The following SNX30 variants were observed in gnomAD, a reference collection of about 807,000 sequenced individuals.
SNX30 encodes the protein sorting nexin family member 30, also known as sorting nexin-30.
Under a neutral mutation model 46.4 loss-of-function variants are expected in SNX30, and 24 were observed. That is an observed-to-expected ratio of 0.52 (90% CI 0.37 to 0.73). SNX30 has a LOEUF of 0.73. Among genes scored for constraint, SNX30 ranks in the 30% least tolerant of loss-of-function variants. The probability of loss-of-function intolerance (pLI) is 0.00; values close to 1 mark genes in which losing one functional copy is unlikely to be tolerated. For missense variants in SNX30, 533 were observed against 555.7 expected, an observed-to-expected ratio of 0.96 and a Z score of 0.41; for synonymous variants, 189 against 211.5, an observed-to-expected ratio of 0.89 and a Z score of 0.92.
Position 112,804,973 on chromosome 9 carries a change from TC to T in SNX30, c.348+9del, listed in dbSNP as rs1490501190. 6.3e-7 allele frequency: 1 copy of T among 1,584,974 alleles called. No individual in the cohort carries two copies. Among genetic ancestry groups the T allele is most frequent in the East Asian group, 2.3e-5 (1 of 44,366 alleles). ...CCTATAGGATCACCACCAAAGTAGG[TC>T]CCTGTGTTATAGAATGCCCGTGTTG... On this transcript the variant is annotated splice_region_variant and intron_variant, in intron 2 of 8. Transcript: ENST00000374232.
chr9:112,792,714 A>G (rs529096729), intron 1 of SNX30, among the ~76,000 whole-genome samples: 4 of 152,288 alleles, frequency 2.6e-5, no homozygotes, highest in South Asian at 2.1e-4. Context: ...GTTTGAGGCC[A>G]CTACACCTGG....
At chr9:112,879,137 A>T (rs1428704804), downstream of SNX30, 1 of 152,256 alleles carries the variant, frequency 6.6e-6, no homozygotes, top group Non-Finnish European at 1.5e-5. Flanking sequence ...AGTAGTAACA[A>T]AACTACCCAG....
intron 2 of SNX30, among the ~76,000 whole-genome samples, chr9:112,814,829 T>C (rs1840373104): frequency 6.6e-6 from 1 of 152,234 alleles, no homozygotes; most frequent in African/African-American, 2.4e-5. Flanking sequence ...TTAAGGGAAT[T>C]ACGAGGTGCT....
Position 112,770,275 on chromosome 9 carries a change from A to G in SNX30, c.156+19118A>G, listed in dbSNP as rs188396538. ...CAACCTCTGTTTCCTGGGTGCAAGC[A>G]ATTCTCCTGCCTCAGCCTCCCGAGT... On this transcript the variant is annotated intron_variant, in intron 1 of 8. Coordinates refer to ENST00000374232, the MANE Select transcript of SNX30 (RefSeq NM_001012994.2). Among the ~76,000 whole-genome samples, 129 of 151,780 alleles carry G rather than the reference A, an allele frequency of 8.5e-4. 2 individuals are homozygous for G. The highest frequency in any genetic ancestry group is 1.8e-4 in the Non-Finnish European group (12 of 67,914).
At chr9:112,757,596 G>T (rs889902267) in intron 1 of SNX30, among the ~76,000 whole-genome samples, 6 of 152,174 alleles carry the variant, frequency 3.9e-5, no homozygotes, top group Non-Finnish European at 8.8e-5. Context: ...CATAATGGCT[G>T]TACCAATCTA....
rs138989065 is a variant in SNX30 at position 112,768,867 on chromosome 9, G to A, written c.156+17710G>A. On this transcript the variant is annotated intron_variant, in intron 1 of 8. Coordinates refer to ENST00000374232, the MANE Select transcript of SNX30 (RefSeq NM_001012994.2). ...GAGATGGGTTTCACCATGTTGGCCA[G>A]GCTGGTCTCGAACTCCCAACCTCGT... is the stretch of plus-strand genomic sequence containing the variant. Among the ~76,000 whole-genome samples the A allele has an allele frequency of 4.3e-3, 659 of 152,062 alleles. 1 individual carries two copies. Among genetic ancestry groups the A allele is most frequent in the Non-Finnish European group, 6.6e-3 (447 of 67,948 alleles).
chr9:112,817,393 A>T lies in SNX30; in HGVS notation c.349-312A>T, dbSNP rs1236647832. Among the ~76,000 whole-genome samples the T allele has an allele frequency of 4.9e-5, 4 of 81,706 alleles. 1 individual carries two copies. The highest frequency in any genetic ancestry group is 9.1e-5 in the Non-Finnish European group (4 of 43,836). The allele number at this position is 81,706 out of a possible 152,430, so 53.6% of individuals were successfully genotyped here. On this transcript the variant is annotated intron_variant, in intron 2 of 8. Coordinates refer to ENST00000374232, the MANE Select transcript of SNX30 (RefSeq NM_001012994.2). Reference sequence around the variant, plus strand: ...TTTCCTGACGGTAGGGAAAAAAAAAAAAACTGGCTTTTTTTTTTTTTTTTT... The same window carrying T: ...TTTCCTGACGGTAGGGAAAAAAAAATAAACTGGCTTTTTTTTTTTTTTTTT...
At chr9:112,785,692 C>T (rs989560432) in intron 1 of SNX30, among the ~76,000 whole-genome samples, 3 of 152,050 alleles carry the variant, frequency 2.0e-5, no homozygotes, top group Non-Finnish European at 2.9e-5. Context: ...CCGTGCCTGG[C>T]TAAGTTTTAA....
intron 1 of SNX30, among the ~76,000 whole-genome samples, chr9:112,791,688 C>T (rs1248143303): frequency 6.6e-6 from 1 of 152,084 alleles, no homozygotes; most frequent in African/African-American, 2.4e-5. Context: ...GGATTACAGG[C>T]ATGAGCCACT....
rs549872609 is a variant in SNX30 at position 112,797,815 on chromosome 9, A to G, written c.157-6961A>G. 2.1e-3 allele frequency among the ~76,000 whole-genome samples: 314 copies of G among 148,132 alleles called. 1 individual carries two copies. Among genetic ancestry groups the G allele is most frequent in the Non-Finnish European group, 3.3e-3 (220 of 67,420 alleles). ...ACCTCTGCCTGCCGGGGTTCAAGCA[A>G]TTCTCCTGCCTCAGCCCCCCGAGTA... On this transcript the variant is annotated intron_variant, in intron 1 of 8. Coordinates refer to ENST00000374232, the MANE Select transcript of SNX30 (RefSeq NM_001012994.2).
intron 2 of SNX30, among the ~76,000 whole-genome samples, chr9:112,812,636 A>G (rs898196704): frequency 6.6e-6 from 1 of 152,214 alleles, no homozygotes; most frequent in African/African-American, 2.4e-5. Flanking sequence ...TTAAGTTCCC[A>G]ATGTCCTTAA....
chr9:112,858,021 G>A (rs1841164965), intron 7 of SNX30, among the ~76,000 whole-genome samples: 1 of 152,166 alleles, frequency 6.6e-6, no homozygotes, highest in African/African-American at 2.4e-5. Flanking sequence ...ATGAGAGATT[G>A]GGAACCAAGG....
In SNX30 at chr9:112,871,901, A is replaced by G. The variant is rs1841451836; in HGVS notation, c.*3058A>G. On this transcript the variant is annotated 3_prime_UTR_variant, in exon 9 of 9. Coordinates refer to ENST00000374232, the MANE Select transcript of SNX30 (RefSeq NM_001012994.2). Reference sequence around the variant, plus strand: ...CTCCTCAATGGGGAGGGAACATACCACCCAGCCAGGCTTAGCATTGGGTTT... The same window carrying G: ...CTCCTCAATGGGGAGGGAACATACCGCCCAGCCAGGCTTAGCATTGGGTTT... 6.6e-6 allele frequency: 1 copy of G among 152,186 alleles called. No individual in the cohort carries two copies. The highest frequency in any genetic ancestry group is 2.4e-5 in the African/African-American group (1 of 41,432). 9.4% of individuals were successfully genotyped at this position (152,186 alleles called of 1,614,324 possible).
chr9:112,836,120 T>C, intron 4 of SNX30, 94 bp from the exon 5 acceptor site: 1 of 1,235,470 alleles, frequency 8.1e-7, no homozygotes, highest in African/African-American at 1.5e-5. Flanking sequence ...GAGTTCTCCA[T>C]TTCCAAACTG....
intron 7 of SNX30, among the ~76,000 whole-genome samples, chr9:112,861,332 C>T (rs1172261883): frequency 6.6e-6 from 1 of 152,176 alleles, no homozygotes; most frequent in Non-Finnish European, 1.5e-5. Context: ...TTCCCTTGGT[C>T]CTGTCAGCCC....
At chr9:112,861,991 G>C (rs79857055) in intron 7 of SNX30, among the ~76,000 whole-genome samples, 18,058 of 152,194 alleles carry the variant, frequency 0.12, 1,612 homozygotes, top group East Asian at 0.23. Flanking sequence ...CAACTAGACT[G>C]TAGGTTACGG....
chr9:112,773,576 C>G (rs1839689046), intron 1 of SNX30, among the ~76,000 whole-genome samples: 1 of 151,788 alleles, frequency 6.6e-6, no homozygotes, highest in Non-Finnish European at 1.5e-5. Context: ...GTGTGGTGTA[C>G]CTTAAATATT....
chr9:112,793,797 G>GTTTTTTTTTTTTTTTTTTT (rs200559435), intron 1 of SNX30, among the ~76,000 whole-genome samples: 1 of 137,112 alleles, frequency 7.3e-6, no homozygotes, highest in Non-Finnish European at 1.6e-5. Flanking sequence ...TACCTCCACT[G>GTTTTTTTTTTTTTTTTTTT]TTTTTTGTTT....
chr9:112,864,290 T>C lies in SNX30; in HGVS notation c.1145T>C (p.Phe382Ser). ...VEKCQDRMEC[F>S]NADLKADMER... The stretch of plus-strand genomic sequence containing the variant: ...AAATGTCAGGATCGGATGGAGTGTT[T>C]CAATGCTGACCTGAAAGCTGACATG... The change falls in exon 8 of 9, where the codon TTC (phenylalanine) becomes TCC (serine). Residue 382 changes from phenylalanine to serine, a missense_variant. Coordinates refer to ENST00000374232, the MANE Select transcript of SNX30 (RefSeq NM_001012994.2). The C allele has an allele frequency of 6.2e-7, 1 of 1,614,134 alleles. No individual in the cohort carries two copies. The highest frequency in any genetic ancestry group is 8.5e-7 in the Non-Finnish European group (1 of 1,180,020).
Sources: allele counts gnomAD v4.1 joint callset (sites outside exome capture counted in the v4.1 genomes callset), GRCh38; gene constraint gnomAD v4.1.1; transcripts MANE v1.5; gene names NCBI Gene and HGNC (gene_info 2026-07-23, HGNC 2026-07-21).